The following KIF14 variants were observed in gnomAD, a reference collection of about 807,000 sequenced individuals.
KIF14 encodes the protein kinesin-like protein KIF14.
In KIF14, 98 loss-of-function variants were observed where a neutral mutation model predicts 176.2. That is an observed-to-expected ratio of 0.56 (90% CI 0.47 to 0.66). The LOEUF is 0.66. Among genes scored for constraint, KIF14 ranks in the 30% least tolerant of loss-of-function variants. The probability of loss-of-function intolerance (pLI) is 0.00; values close to 1 mark genes in which losing one functional copy is unlikely to be tolerated. For missense variants in KIF14, 1,751 were observed against 1,920.4 expected, an observed-to-expected ratio of 0.91 and a Z score of 1.65; for synonymous variants, 566 against 632.2, an observed-to-expected ratio of 0.90 and a Z score of 1.57.
At chr1:200,581,105 CTCTG>C in intron 20 of KIF14, 92 bp downstream of exon 20, 1 of 530,054 alleles carries the variant, frequency 1.9e-6, no homozygotes, top group South Asian at 2.2e-5. Context: ...CAGAGCAAGA[CTCTG>C]TCTCAGAAAA....
chr1:200,597,366 T>C (rs1207551224), intron 14 of KIF14, among the ~76,000 whole-genome samples: 1 of 152,040 alleles, frequency 6.6e-6, no homozygotes, highest in Admixed American at 6.6e-5. Context: ...CTACAAATTA[T>C]TAAGAAATAA....
rs1163000006 is a variant in KIF14 at position 200,618,815 on chromosome 1, C to A, written c.-92G>T. The A allele has an allele frequency of 5.6e-6, 6 of 1,076,058 alleles. No homozygotes were observed. Among genetic ancestry groups the A allele is most frequent in the Non-Finnish European group, 7.9e-6 (6 of 755,040 alleles). 66.7% of individuals were successfully genotyped at this position (1,076,058 alleles called of 1,614,324 possible). On this transcript the variant is annotated 5_prime_UTR_variant, in exon 2 of 30. Transcript: ENST00000367350. ...TGATTTCCAGCCATTTCTTATGTAT[C>A]CATTTCTGAAAGTATCTGCTAAACT...
intron 14 of KIF14, among the ~76,000 whole-genome samples, chr1:200,594,107 T>G (rs1409344801): frequency 6.6e-6 from 1 of 151,716 alleles, no homozygotes; most frequent in African/African-American, 2.4e-5. Context: ...AGCTAATGTT[T>G]GCATTTTAGT....
chr1:200,580,453 G>C, intron 20 of KIF14, 70 bp from the exon 21 acceptor site: 1 of 1,040,390 alleles, frequency 9.6e-7, no homozygotes, highest in African/African-American at 1.7e-5. Context: ...AGAGTTTTCT[G>C]GGGTAGAATA....
At chr1:200,568,121 C>A (rs1657569541) in intron 23 of KIF14, among the ~76,000 whole-genome samples, 1 of 152,100 alleles carries the variant, frequency 6.6e-6, no homozygotes, top group African/African-American at 2.4e-5. Flanking sequence ...GGGTACAGCC[C>A]CTCACCCCCA....
chr1:200,618,901 G>C, intron 1 of KIF14, 63 bp from the exon 2 acceptor site: 4 of 543,912 alleles, frequency 7.4e-6, no homozygotes, highest in Admixed American at 3.4e-5. Flanking sequence ...AATATAGAGA[G>C]AACATCCCAT....
At chr1:200,584,361 C>A (rs545893617) in intron 19 of KIF14, among the ~76,000 whole-genome samples, 3 of 152,256 alleles carry the variant, frequency 2.0e-5, no homozygotes, top group African/African-American at 7.2e-5. Flanking sequence ...TTTTGCAAGG[C>A]CAGCATTACC....
intron 22 of KIF14, among the ~76,000 whole-genome samples, chr1:200,571,591 G>A (rs1002663482): frequency 1.3e-5 from 2 of 151,992 alleles, no homozygotes; most frequent in African/African-American, 4.8e-5. Context: ...TATTACAGTT[G>A]GCCACTCAAA....
Position 200,565,592 on chromosome 1 carries a change from C to T in KIF14, c.3739G>A (p.Gly1247Ser). 6.2e-7 allele frequency: 1 copy of T among 1,612,054 alleles called. No individual in the cohort carries two copies. Among genetic ancestry groups the T allele is most frequent in the Non-Finnish European group, 8.5e-7 (1 of 1,179,662 alleles). Reference protein sequence around the residue: ...FLPGICKELIGSSLDFFGQSY... With the variant: ...FLPGICKELISSSLDFFGQSY... The stretch of plus-strand genomic sequence containing the variant: ...TGTCCAAAAAAATCTAACGAAGAAC[C>T]AATCAATTCTTTGCAAATTCCAGGA... Residue 1247 changes from glycine to serine, a missense_variant, in exon 24 of 30, where the codon GGT (glycine) becomes AGT (serine). By Grantham distance (56) the Gly-to-Ser change is moderately conservative. Transcript: ENST00000367350.
In KIF14 at chr1:200,600,457, A is replaced by G; in HGVS notation, c.2199T>C (p.Ser733=). The G allele has an allele frequency of 6.2e-7, 1 of 1,613,794 alleles. No homozygotes were observed. Among genetic ancestry groups the G allele is most frequent in the Non-Finnish European group, 8.5e-7 (1 of 1,179,754 alleles). The change falls in exon 12 of 30, where the codon AGT becomes AGC. Residue 733 remains serine, a synonymous_variant. Coordinates refer to ENST00000367350, the MANE Select transcript of KIF14 (RefSeq NM_014875.3). The stretch of plus-strand genomic sequence containing the variant: ...TGTATCGTTCAGGGTCAATATTCCG[A>G]CTGTTTCTCTGAGCAGCTTTTAGCT... ...IAKLKAAQRN[S]RNIDPERYRL... is the part of the protein sequence containing the mutation.
chr1:200,607,083 A>G (rs1659919874), intron 5 of KIF14, among the ~76,000 whole-genome samples: 1 of 121,834 alleles, frequency 8.2e-6, no homozygotes, highest in Non-Finnish European at 1.6e-5. Context: ...GAATTGTCTA[A>G]TAGACAATAA....
intron 28 of KIF14, among the ~76,000 whole-genome samples, chr1:200,555,072 A>G (rs754340305): frequency 6.6e-6 from 1 of 152,182 alleles, no homozygotes; most frequent in Non-Finnish European, 1.5e-5. Context: ...TTTGAGCACA[A>G]TGATTATTAA....
chr1:200,561,501 T>C (rs1032693782), intron 25 of KIF14, among the ~76,000 whole-genome samples: 17 of 150,780 alleles, frequency 1.1e-4, no homozygotes, highest in Non-Finnish European at 2.2e-4. Flanking sequence ...ATCGCACCAC[T>C]GCACTCCAGC....
At chr1:200,588,248 GTTT>G (rs201090107) in intron 18 of KIF14, among the ~76,000 whole-genome samples, 1 of 139,524 alleles carries the variant, frequency 7.2e-6, no homozygotes, top group Non-Finnish European at 1.5e-5. Flanking sequence ...TGTTTGTTTT[GTTT>G]TTTTTTTTTT....
Position 200,554,465 on chromosome 1 carries a change from T to C in KIF14, c.4567+3A>G, listed in dbSNP as rs765759165. The stretch of plus-strand genomic sequence containing the variant: ...ATTATAAACTCCATTTGGAGAATCA[T>C]ACCTTTCAGTGCAGAAATAATAATT... On this transcript the variant is annotated splice_donor_region_variant and intron_variant, in intron 29 of 29. Transcript: ENST00000367350. The C allele has an allele frequency of 4.0e-6, 6 of 1,506,148 alleles. No individual in the cohort carries two copies. In the South Asian group the frequency reaches 4.8e-5, roughly 12 times the overall value. 93.3% of individuals were successfully genotyped at this position (1,506,148 alleles called of 1,614,324 possible).
In KIF14 at chr1:200,552,779, A is replaced by C. The variant is rs1174758457; in HGVS notation, c.*609T>G. 2 of 152,106 alleles carry C rather than the reference A, an allele frequency of 1.3e-5. No individual in the cohort carries two copies. The highest frequency in any genetic ancestry group is 4.8e-5 in the African/African-American group (2 of 41,416). 9.4% of individuals were successfully genotyped at this position (152,106 alleles called of 1,614,324 possible). A position where few individuals can be genotyped will look rare whatever the true frequency, so the allele number is the denominator to read the frequency against. On this transcript the variant is annotated 3_prime_UTR_variant, in exon 30 of 30. Coordinates refer to ENST00000367350, the MANE Select transcript of KIF14 (RefSeq NM_014875.3). ...TCACCATAAACATCCCAGCTGTCTGAGGAGAGAGAAGGCATAGGCACAAAG... is the reference window on the plus strand; with the variant it reads ...TCACCATAAACATCCCAGCTGTCTGCGGAGAGAGAAGGCATAGGCACAAAG...
chr1:200,565,322 AT>A, intron 24 of KIF14, 69 bp from the exon 25 acceptor site: 2 of 1,468,708 alleles, frequency 1.4e-6, no homozygotes, highest in Admixed American at 4.3e-5. Context: ...TATGATCATC[AT>A]TAAAACATTT....
At chr1:200,561,370 C>T (rs530727342) in intron 25 of KIF14, among the ~76,000 whole-genome samples, 1 of 152,080 alleles carries the variant, frequency 6.6e-6, no homozygotes, top group African/African-American at 2.4e-5. Flanking sequence ...GAAACCCCAT[C>T]TCTACTAAAA....
intron 18 of KIF14, among the ~76,000 whole-genome samples, chr1:200,586,790 C>CATATATATATACATACAT (rs1270004468): frequency 7.8e-6 from 1 of 128,326 alleles, no homozygotes; most frequent in Non-Finnish European, 1.7e-5. Flanking sequence ...TATATACATA[C>CATATATATATACATACAT]ATATATATAT....
Sources: gnomAD v4.1 joint callset for allele counts (sites outside exome capture counted in the v4.1 genomes callset) on GRCh38, gnomAD v4.1.1 for gene constraint, MANE v1.5 for transcripts, NCBI Gene and HGNC (gene_info 2026-07-23, HGNC 2026-07-21) for gene names.